The following TRAF2 variants were observed in gnomAD, a reference collection of about 807,000 sequenced individuals.
The protein encoded by TRAF2 is TNF receptor associated factor 2, also known as TNF receptor-associated factor 2.
TRAF2 carries 6 observed loss-of-function variants against 55.6 expected under a neutral mutation model. That is an observed-to-expected ratio of 0.11 (90% confidence interval 0.06 to 0.21). TRAF2 has a LOEUF of 0.21. Among genes scored for constraint, TRAF2 ranks in the 10% least tolerant of loss-of-function variants. The pLI is 1.00. For synonymous variants in TRAF2, 329 were observed against 276.3 expected (o/e 1.19, Z -1.89); for missense variants, 561 against 684.5 (o/e 0.82, Z 2.01).
intron 6 of TRAF2, among the ~76,000 whole-genome samples, chr9:136,911,846 CTTTT>C (rs71492143): frequency 3.1e-4 from 22 of 71,452 alleles, no homozygotes; most frequent in Non-Finnish European, 4.8e-4. Flanking sequence ...TCTCTTATCT[CTTTT>C]TTTTTTTTTT....
chr9:136,895,960 C>G (rs991752768), intron 1 of TRAF2, among the ~76,000 whole-genome samples: 26 of 152,104 alleles, frequency 1.7e-4, no homozygotes, highest in African/African-American at 5.8e-4. Context: ...CGCCCTCCAC[C>G]CTTAGGCCAG....
In TRAF2 at chr9:136,908,488, T is replaced by C. The variant is rs112782528; in HGVS notation, c.528+257T>C. 6.5e-4 allele frequency among the ~76,000 whole-genome samples: 99 copies of C among 151,886 alleles called. 1 individual carries two copies. The highest frequency in any genetic ancestry group is 2.0e-3 in the Admixed American group (31 of 15,240). ...CTGTAATCCCAGCGCTTTGGGAGGCTGAGGCGGGCGGATCACGAGGTCCGG... is the reference window on the plus strand; with the variant it reads ...CTGTAATCCCAGCGCTTTGGGAGGCCGAGGCGGGCGGATCACGAGGTCCGG... On this transcript the variant is annotated intron_variant, in intron 5 of 10. Transcript: ENST00000247668.
chr9:136,924,744 ATTTAC>A (rs1196335746), intron 10 of TRAF2, among the ~76,000 whole-genome samples: 4 of 151,888 alleles, frequency 2.6e-5, no homozygotes, highest in Non-Finnish European at 5.9e-5. Context: ...TCATTTATTT[ATTTAC>A]TTATTGTTAA....
At chr9:136,922,369 C>G (rs1564422233) in intron 9 of TRAF2, 1 of 152,370 alleles carries the variant, frequency 6.6e-6, no homozygotes, top group Non-Finnish European at 1.5e-5. Context: ...TGGTGGCGAC[C>G]TTCCCTCTGC....
intron 6 of TRAF2, among the ~76,000 whole-genome samples, chr9:136,915,981 A>G (rs4880161): frequency 0.77 from 117,101 of 151,956 alleles, 45,419 homozygotes; most frequent in East Asian, 0.87. Context: ...ATGGAGGAGG[A>G]ACTTGGGGTT....
At chr9:136,909,126 A>G (rs1382929332) in intron 5 of TRAF2, among the ~76,000 whole-genome samples, 3 of 150,646 alleles carry the variant, frequency 2.0e-5, no homozygotes, top group Admixed American at 2.0e-4. Flanking sequence ...TAAATGCATC[A>G]GGTAGAGAGT....
In TRAF2 at chr9:136,925,883, G is replaced by A; in HGVS notation, c.1488G>A (p.Val496=). The change falls in exon 11 of 11, where the codon GTG becomes GTA. Residue 496 remains valine, a synonymous_variant. Coordinates refer to ENST00000247668, the MANE Select transcript of TRAF2 (RefSeq NM_021138.4). ...RDDAIFIKAI[V]DLTGL ...ATGCCATCTTCATCAAGGCCATTGT[G>A]GACCTGACAGGGCTCTAACTGCCCC... The A allele has an allele frequency of 6.2e-7, 1 of 1,614,200 alleles. No homozygotes were observed. Among genetic ancestry groups the A allele is most frequent in the South Asian group, 1.1e-5 (1 of 91,086 alleles).
intron 1 of TRAF2, 164 bp from the exon 2 acceptor site, chr9:136,898,549 C>A: frequency 1.0e-6 from 1 of 983,592 alleles, no homozygotes; most frequent in African/African-American, 1.7e-5. Context: ...TAGAGGGTCT[C>A]CAAGGCTCCC....
At chr9:136,885,043 G>A (rs1291571286), upstream of TRAF2, among the ~76,000 whole-genome samples, 1 of 152,222 alleles carries the variant, frequency 6.6e-6, no homozygotes, top group Non-Finnish European at 1.5e-5. Context: ...ACTCAGGGGT[G>A]ATGACGTTGA....
rs574724011 is a variant in TRAF2 at position 136,892,984 on chromosome 9, A to T, written c.-28-5729A>T. Among the ~76,000 whole-genome samples, 15 of 152,316 alleles carry T rather than the reference A, an allele frequency of 9.8e-5. No individual in the cohort carries two copies. The South Asian group carries it at 3.1e-3, about 32-fold the overall frequency. On this transcript the variant is annotated intron_variant, in intron 1 of 10. Coordinates refer to ENST00000247668, the MANE Select transcript of TRAF2 (RefSeq NM_021138.4). ...ACTCAGAATGCCTCTTATGAAGACT[A>T]AGTGTAGTTCTGTGAACCTTTTAGT...
chr9:136,898,645 A>G (rs1026341405), intron 1 of TRAF2, 68 bp from the exon 2 acceptor site: 33 of 1,582,566 alleles, frequency 2.1e-5, no homozygotes, highest in Non-Finnish European at 2.5e-5. Context: ...ACTGATCACC[A>G]TTGGTTTGGT....
intron 1 of TRAF2, among the ~76,000 whole-genome samples, chr9:136,891,499 C>T (rs1414924801): frequency 6.6e-6 from 1 of 152,130 alleles, no homozygotes; most frequent in Admixed American, 6.6e-5. Flanking sequence ...CTACCTCGGC[C>T]TCCCAAAGTG....
At chr9:136,886,629 G>A in intron 1 of TRAF2, 88 bp downstream of exon 1, 2 of 924,426 alleles carry the variant, frequency 2.2e-6, no homozygotes, top group Non-Finnish European at 2.6e-6. Flanking sequence ...GCAGGCGCGG[G>A]CACCTCTCAG....
At chr9:136,918,124 G>A (rs1156456904) in intron 7 of TRAF2, among the ~76,000 whole-genome samples, 1 of 151,538 alleles carries the variant, frequency 6.6e-6, no homozygotes, top group Non-Finnish European at 1.5e-5. Flanking sequence ...CCAGCTGTTT[G>A]TGTCTTGAGT....
At position 136,908,230 on chromosome 9, in the gene TRAF2, A is replaced by G. The variant is rs200775038; in HGVS notation, c.527A>G (p.Lys176Arg). Reference sequence around the variant, plus strand: ...GCACCCTGCTGCGGAGCAGACGTGAAGGTGCGTGGGGTGGAGCAGCAGCCT... The same window carrying G: ...GCACCCTGCTGCGGAGCAGACGTGAGGGTGCGTGGGGTGGAGCAGCAGCCT... ...CRAPCCGADV[K>R]AHHEVCPKFP... is the part of the protein sequence containing the mutation. Residue 176 changes from lysine (K) to arginine (R), a missense_variant and splice_region_variant, in exon 5 of 11, where the codon AAG (lysine) becomes AGG (arginine). By Grantham distance (26) the Lys-to-Arg change is conservative. Coordinates refer to ENST00000247668, the MANE Select transcript of TRAF2 (RefSeq NM_021138.4). 9.1e-5 allele frequency: 143 copies of G among 1,578,162 alleles called. 1 individual carries two copies. In the East Asian group the frequency reaches 2.9e-3, roughly 32 times the overall value.
chr9:136,893,581 G>T (rs1446318566), intron 1 of TRAF2, among the ~76,000 whole-genome samples: 1 of 152,208 alleles, frequency 6.6e-6, no homozygotes, highest in Non-Finnish European at 1.5e-5. Context: ...CTGCAGGGTT[G>T]GCGCACCGTC....
Position 136,925,928 on chromosome 9 carries a change from G to A in TRAF2, c.*27G>A, listed in dbSNP as rs983883866. 1 of 1,612,402 alleles carries A rather than the reference G, an allele frequency of 6.2e-7. No individual in the cohort carries two copies. The highest frequency in any genetic ancestry group is 1.3e-5 in the African/African-American group (1 of 74,920). On this transcript the variant is annotated 3_prime_UTR_variant, in exon 11 of 11. Transcript: ENST00000247668. The stretch of plus-strand genomic sequence containing the variant: ...TGCCCCCTACTGGTGTCTGGGGGTT[G>A]GGGGCAGCCAGGCACAGCCGGCTCA...
intron 7 of TRAF2, among the ~76,000 whole-genome samples, chr9:136,918,255 A>ATATATTTATTTATTTATT (rs1402432355): frequency 8.6e-5 from 2 of 23,346 alleles, no homozygotes; most frequent in Admixed American, 3.0e-4. Flanking sequence ...ATATATATAT[A>ATATATTTATTTATTTATT]TATTTATTTA....
rs550577132 is a variant in TRAF2 at position 136,920,179 on chromosome 9, G to C, written c.679-55G>C. ...GGCCCACGTCTTGGTGGCCGTCCCC[G>C]GGTGGGAGCCGAATGGTGGATGGAG... On this transcript the variant is annotated intron_variant, in intron 7 of 10. Transcript: ENST00000247668. The C allele has an allele frequency of 2.0e-6, 3 of 1,531,722 alleles. No homozygotes were observed. In the East Asian group the frequency reaches 6.9e-5, roughly 35 times the overall value. 94.9% of individuals were successfully genotyped at this position (1,531,722 alleles called of 1,614,324 possible).
Sources: allele counts gnomAD v4.1 joint callset (sites outside exome capture counted in the v4.1 genomes callset), GRCh38; gene constraint gnomAD v4.1.1; transcripts MANE v1.5; gene names NCBI Gene and HGNC (gene_info 2026-07-23, HGNC 2026-07-21).